The following ADAM19 variants were observed in gnomAD, a reference collection of about 807,000 sequenced individuals.
The protein encoded by ADAM19 is disintegrin and metalloproteinase domain-containing protein 19.
Under a neutral mutation model 114.7 loss-of-function variants are expected in ADAM19, and 65 were observed. That is an observed-to-expected ratio of 0.57 (90% CI 0.46 to 0.70). ADAM19 has a LOEUF of 0.70. Ranked by LOEUF, ADAM19 falls within the 30% of genes least tolerant of loss-of-function variation. The probability of loss-of-function intolerance (pLI) is 0.00; values close to 1 mark genes in which losing one functional copy is unlikely to be tolerated. For missense variants in ADAM19, 1,063 were observed against 1,204.7 expected, an observed-to-expected ratio of 0.88 and a Z score of 1.74; for synonymous variants, 466 against 460.5, an observed-to-expected ratio of 1.01 and a Z score of -0.15.
chr5:157,572,257 T>G, intron 1 of ADAM19: 1 of 456,018 alleles, frequency 2.2e-6, no homozygotes, highest in South Asian at 1.6e-5. Context: ...GGCTAATTTT[T>G]TTGTATTTTT....
rs1328682328 is a variant in ADAM19, at chr5:157,564,361, G to T, written c.251+12C>A. On this transcript the variant is annotated intron_variant, in intron 3 of 22. Transcript: ENST00000257527. ...ATTTGTTTCATTTTAGACAAAGGAGGAGTCCACTTACTCATTCTTCTCCAG... is the reference window on the plus strand; with the variant it reads ...ATTTGTTTCATTTTAGACAAAGGAGTAGTCCACTTACTCATTCTTCTCCAG... 6.2e-7 allele frequency: 1 copy of T among 1,612,508 alleles called. No individual in the cohort carries two copies. Among genetic ancestry groups the T allele is most frequent in the South Asian group, 1.1e-5 (1 of 91,052 alleles).
At position 157,486,214 on chromosome 5, in the gene ADAM19, C is replaced by T. The variant is rs1754926371; in HGVS notation, c.2550+2051G>A. ...CCACTCACAACTGTGCAATGTCGGGCAAGTCCCTTCAATCCTATGAGGCCT... is the reference window on the plus strand; with the variant it reads ...CCACTCACAACTGTGCAATGTCGGGTAAGTCCCTTCAATCCTATGAGGCCT... On this transcript the variant is annotated intron_variant, in intron 21 of 22. Coordinates refer to ENST00000257527, the MANE Select transcript of ADAM19 (RefSeq NM_033274.5). Among the ~76,000 whole-genome samples, 3 of 152,318 alleles carry T rather than the reference C, an allele frequency of 2.0e-5. No homozygotes were observed. In the South Asian group the frequency reaches 6.2e-4, roughly 32 times the overall value.
chr5:157,554,530 G>A (rs1400790353), intron 3 of ADAM19, among the ~76,000 whole-genome samples: 1 of 152,218 alleles, frequency 6.6e-6, no homozygotes, highest in African/African-American at 2.4e-5. Flanking sequence ...ACACTGCAAA[G>A]CAGTGTTTTC....
In ADAM19 at chr5:157,491,709, G is replaced by A. The variant is rs374341398; in HGVS notation, c.2001C>T (p.Asn667=). Residue 667 remains asparagine, a synonymous_variant, in exon 18 of 23, where the codon AAC becomes AAT. Transcript: ENST00000257527. ...KCNGHGVCNN[N]QNCHCLPGWA... is the part of the protein sequence containing the mutation. ...AGCCCGGCAGGCAGTGGCAGTTCTG[G>A]TTGTTGTTACAGACCTGGAGCAAAG... 3 of 1,592,846 alleles carry A rather than the reference G, an allele frequency of 1.9e-6. No individual in the cohort carries two copies. Among genetic ancestry groups the A allele is most frequent in the Non-Finnish European group, 2.6e-6 (3 of 1,168,154 alleles).
At chr5:157,521,301 G>A (rs1196548455) in intron 5 of ADAM19, among the ~76,000 whole-genome samples, 1 of 152,172 alleles carries the variant, frequency 6.6e-6, no homozygotes, top group African/African-American at 2.4e-5. Flanking sequence ...GGAGGAGGAA[G>A]CCCAGGAGTA....
At chr5:157,506,803 T>C (rs1250894884) in intron 10 of ADAM19, among the ~76,000 whole-genome samples, 1 of 152,196 alleles carries the variant, frequency 6.6e-6, no homozygotes, top group Non-Finnish European at 1.5e-5. Flanking sequence ...TGAGATCTAG[T>C]GATGTATGCA....
chr5:157,505,640 C>T (rs780805764), intron 11 of ADAM19, 29 bp downstream of exon 11: 3 of 1,611,484 alleles, frequency 1.9e-6, no homozygotes, highest in Admixed American at 1.7e-5. Flanking sequence ...CGCCCTCCTC[C>T]CCATCCTCCC....
At chr5:157,555,559 G>C (rs1013654380) in intron 3 of ADAM19, among the ~76,000 whole-genome samples, 3 of 152,190 alleles carry the variant, frequency 2.0e-5, no homozygotes, top group African/African-American at 7.2e-5. Context: ...GAAAACATTT[G>C]TTCTGGACGT....
At chr5:157,541,740 T>C (rs1264300321) in intron 3 of ADAM19, among the ~76,000 whole-genome samples, 2 of 152,196 alleles carry the variant, frequency 1.3e-5, no homozygotes, top group Non-Finnish European at 2.9e-5. Context: ...GGACAATTCC[T>C]TTAAGTTCTA....
intron 12 of ADAM19, among the ~76,000 whole-genome samples, chr5:157,501,343 A>G (rs542275318): frequency 1.4e-4 from 21 of 152,234 alleles, no homozygotes; most frequent in African/African-American, 4.8e-4. Flanking sequence ...TCCCCCTCAC[A>G]TTATATATGT....
intron 3 of ADAM19, among the ~76,000 whole-genome samples, chr5:157,539,080 G>A (rs1376636847): frequency 6.6e-6 from 1 of 151,776 alleles, no homozygotes; most frequent in Non-Finnish European, 1.5e-5. Flanking sequence ...TTGAACCTGG[G>A]GGGTGGAGGT....
chr5:157,505,564 A>T lies in ADAM19; in HGVS notation c.1130+105T>A, dbSNP rs11466771. The T allele has an allele frequency of 8.8e-4, 1,167 of 1,320,426 alleles. 9 individuals are homozygous for T. The African/African-American group carries it at 0.015, about 17-fold the overall frequency. The allele number at this position is 1,320,426 out of a possible 1,614,324, so 81.8% of individuals were successfully genotyped here. On this transcript the variant is annotated intron_variant, in intron 11 of 22. Coordinates refer to ENST00000257527, the MANE Select transcript of ADAM19 (RefSeq NM_033274.5). ...AAACTACATTTTTTGGCCCCATCAG[A>T]AGTTTAAGGGAGTCTCAGTGGGGCC...
chr5:157,569,624 T>C (rs1376538413), intron 2 of ADAM19, among the ~76,000 whole-genome samples: 1 of 152,056 alleles, frequency 6.6e-6, no homozygotes, highest in African/African-American at 2.4e-5. Flanking sequence ...TGGACATGTC[T>C]GTATTATCCT....
At chr5:157,564,748 CAG>C (rs1757607422) in intron 2 of ADAM19, among the ~76,000 whole-genome samples, 1 of 152,214 alleles carries the variant, frequency 6.6e-6, no homozygotes, top group South Asian at 2.1e-4. Flanking sequence ...AAATGTCCTG[CAG>C]AGTCAGATCT....
rs540583846 is a variant in ADAM19, at chr5:157,489,146, C to A, written c.2281G>T (p.Ala761Ser). The change falls in exon 20 of 23, where the codon GCC becomes TCC. Residue 761 changes from alanine to serine, a missense_variant. Around this residue, in one of 3 missense-constraint regions of ADAM19, gnomAD observed 424 missense variants for 445.5 expected, o/e 0.95. Transcript: ENST00000257527. Reference sequence around the variant, plus strand: ...GTCTGCAGCTTGAAAGTTGGGTTGGCATGACCAGTCCCGCTGTTCTGAGAA... The same window carrying A: ...GTCTGCAGCTTGAAAGTTGGGTTGGAATGACCAGTCCCGCTGTTCTGAGAA... ...RVSQNSGTGH[A>S]NPTFKLQTPQ... The A allele has an allele frequency of 1.5e-5, 24 of 1,614,128 alleles. No individual in the cohort carries two copies. The South Asian group carries it at 2.1e-4, about 14-fold the overall frequency.
In ADAM19 at chr5:157,491,961, T is replaced by C. The variant is rs139066384; in HGVS notation, c.1909-49A>G. On this transcript the variant is annotated intron_variant, in intron 16 of 22. Transcript: ENST00000257527. ...ATCAGTGCAATGGGAGGGATGCTGG[T>C]TGGGAGTTAGGAGGCAAGATTTTGC... 575 of 1,600,174 alleles carry C rather than the reference T, an allele frequency of 3.6e-4. 2 individuals are homozygous for C. The African/African-American group carries it at 5.8e-3, about 16-fold the overall frequency.
chr5:157,481,086 T>C (rs1293756485), intron 22 of ADAM19, 84 bp from the exon 23 acceptor site: 2 of 1,573,784 alleles, frequency 1.3e-6, no homozygotes, highest in African/African-American at 1.3e-5. Flanking sequence ...CTCCCGATTT[T>C]AGAAGGAAGG....
At chr5:157,553,667 C>G (rs1259860349) in intron 3 of ADAM19, among the ~76,000 whole-genome samples, 2 of 152,152 alleles carry the variant, frequency 1.3e-5, no homozygotes, top group Non-Finnish European at 2.9e-5. Context: ...TGCAAATGTG[C>G]TTAAAGATTA....
intron 16 of ADAM19, 148 bp downstream of exon 16, chr5:157,492,825 T>C: frequency 1.3e-6 from 1 of 764,928 alleles, no homozygotes; most frequent in South Asian, 1.8e-5. Flanking sequence ...GGGTGCCTGC[T>C]GTCACTATAC....
Sources: gnomAD v4.1 joint callset for allele counts (sites outside exome capture counted in the v4.1 genomes callset) on GRCh38, gnomAD v4.1.1 for gene constraint, gnomAD v4.1.1 regional missense constraint, MANE v1.5 for transcripts, NCBI Gene and HGNC (gene_info 2026-07-23, HGNC 2026-07-21) for gene names.